Variants in PRKG1 observed in about 807,000 individuals in gnomAD.
PRKG1 encodes cGMP-dependent protein kinase 1.
A neutral mutation model predicts 88.1 loss-of-function variants in PRKG1; 35 were observed. The observed-to-expected ratio is 0.40, with a 90% CI of 0.30 to 0.53. PRKG1 has a LOEUF of 0.53. Among genes scored for constraint, PRKG1 ranks in the 20% least tolerant of loss-of-function variants. The probability of loss-of-function intolerance (pLI) is 0.59; values close to 1 mark genes in which losing one functional copy is unlikely to be tolerated. For synonymous variants in PRKG1, 303 were observed against 292.5 expected (o/e 1.04, Z -0.37); for missense variants, 540 against 839.8 (o/e 0.64, Z 4.41).
intron 5 of PRKG1, among the ~76,000 whole-genome samples, chr10:51,929,344 TC>T (rs1237233749): frequency 2.9e-5 from 4 of 140,092 alleles, no homozygotes; most frequent in Middle Eastern, 3.5e-3. Flanking sequence ...CTGAATTCCT[TC>T]CTTTTTTTTT....
At chr10:51,591,908 C>T (rs1332407575) in intron 3 of PRKG1, among the ~76,000 whole-genome samples, 1 of 152,078 alleles carries the variant, frequency 6.6e-6, no homozygotes, top group East Asian at 1.9e-4. Flanking sequence ...CACTTAAGAG[C>T]CCCTTTTAAG....
At position 51,354,113 on chromosome 10, in the gene PRKG1, A is replaced by G. The variant is rs77968331; in HGVS notation, c.479-113610A>G. On this transcript the variant is annotated intron_variant, in intron 2 of 17. Transcript: ENST00000373980. ...AATATCAAAATATCCAAACTATTAA[A>G]CTCATTGAGATAGAGAGGAGAAGGA... Among the ~76,000 whole-genome samples, 185 of 152,026 alleles carry G rather than the reference A, an allele frequency of 1.2e-3. 2 individuals are homozygous for G. Among genetic ancestry groups the G allele is most frequent in the African/African-American group, 3.9e-3 (162 of 41,490 alleles).
intron 7 of PRKG1, among the ~76,000 whole-genome samples, chr10:52,115,954 C>T (rs540199965): frequency 3.3e-5 from 5 of 152,094 alleles, no homozygotes; most frequent in South Asian, 4.1e-4. Context: ...ATGAATCAGG[C>T]AGCGCCCTGA....
chr10:51,593,084 G>A (rs1838353162), intron 3 of PRKG1, among the ~76,000 whole-genome samples: 1 of 152,114 alleles, frequency 6.6e-6, no homozygotes, highest in Non-Finnish European at 1.5e-5. Flanking sequence ...GAAAATAATT[G>A]TTTTAGCTTA....
chr10:52,028,405 G>A (rs907445797), intron 5 of PRKG1, among the ~76,000 whole-genome samples: 1 of 152,148 alleles, frequency 6.6e-6, no homozygotes, highest in African/African-American at 2.4e-5. Context: ...GCAAAGTTAA[G>A]CCAGTCAATT....
chr10:51,739,099 CT>C (rs1444802776), intron 3 of PRKG1, among the ~76,000 whole-genome samples: 2 of 152,188 alleles, frequency 1.3e-5, no homozygotes, highest in African/African-American at 4.8e-5. Flanking sequence ...TCATTTTGCT[CT>C]GTGCTCTGCA....
intron 2 of PRKG1, among the ~76,000 whole-genome samples, chr10:51,386,345 A>C (rs1837248444): frequency 6.6e-6 from 1 of 152,182 alleles, no homozygotes; most frequent in Non-Finnish European, 1.5e-5. Context: ...ATGGAAGCTG[A>C]AAATTCCTAA....
intron 9 of PRKG1, among the ~76,000 whole-genome samples, chr10:52,199,607 C>A (rs934005716): frequency 2.8e-4 from 42 of 152,180 alleles, no homozygotes; most frequent in Non-Finnish European, 4.9e-4. Context: ...AGAGGTTCAG[C>A]TTTGCCGGAG....
intron 10 of PRKG1, among the ~76,000 whole-genome samples, chr10:52,266,809 A>C (rs1841582309): frequency 6.6e-6 from 1 of 152,088 alleles, no homozygotes; most frequent in Non-Finnish European, 1.5e-5. Context: ...AGATTGAAAA[A>C]AAATTAGTCA....
chr10:52,251,121 A>C (rs1300628981), intron 9 of PRKG1, among the ~76,000 whole-genome samples: 1 of 152,166 alleles, frequency 6.6e-6, no homozygotes, highest in African/African-American at 2.4e-5. Context: ...AAATATTTAT[A>C]GGAGGCACTG....
chr10:51,030,386 A>T (rs1843267977), intron 1 of PRKG1, among the ~76,000 whole-genome samples: 1 of 152,200 alleles, frequency 6.6e-6, no homozygotes, highest in South Asian at 2.1e-4. Context: ...ATAATGAATT[A>T]TAAAATCAGA....
Position 51,315,191 on chromosome 10 carries a change from T to G in PRKG1, c.479-152532T>G, listed in dbSNP as rs1332104248. On this transcript the variant is annotated intron_variant, in intron 2 of 17. Transcript: ENST00000373980. Reference sequence around the variant, plus strand: ...AAAAACTGATTGATTTCTTGAGATTTCATAACATGAGACAAAAAAAGAAAC... The same window carrying G: ...AAAAACTGATTGATTTCTTGAGATTGCATAACATGAGACAAAAAAAGAAAC... Among the ~76,000 whole-genome samples the G allele has an allele frequency of 3.9e-5, 6 of 152,210 alleles. No individual in the cohort carries two copies. In the East Asian group the frequency reaches 1.2e-3, roughly 29 times the overall value.
At chr10:51,897,018 A>G (rs1298863274) in intron 4 of PRKG1, among the ~76,000 whole-genome samples, 1 of 152,198 alleles carries the variant, frequency 6.6e-6, no homozygotes, top group Non-Finnish European at 1.5e-5. Flanking sequence ...GTGATGTGTA[A>G]AGTAGATTGA....
chr10:51,167,409 G>A (rs1366386569), intron 2 of PRKG1, among the ~76,000 whole-genome samples: 1 of 152,150 alleles, frequency 6.6e-6, no homozygotes, highest in African/African-American at 2.4e-5. Context: ...GTTGGTAGAG[G>A]CAATGTCATA....
At chr10:52,137,818 T>C (rs4935312) in intron 8 of PRKG1, among the ~76,000 whole-genome samples, 152,200 of 152,246 alleles carry the variant, frequency 1, 76,077 homozygotes, top group Middle Eastern at 1. Flanking sequence ...TGCATGAATA[T>C]GGAAGGCTGA....
chr10:52,061,941 A>C (rs1026048337), intron 6 of PRKG1, among the ~76,000 whole-genome samples: 1 of 152,080 alleles, frequency 6.6e-6, no homozygotes, highest in African/African-American at 2.4e-5. Context: ...GGCATTTAGA[A>C]GGATGTTCAT....
intron 2 of PRKG1, among the ~76,000 whole-genome samples, chr10:51,309,494 G>T (rs1841125657): frequency 1.3e-5 from 2 of 152,138 alleles, no homozygotes; most frequent in Admixed American, 1.3e-4. Context: ...TATGAAAAAT[G>T]CTTAACATCA....
chr10:52,189,636 C>T (rs1196084590), intron 9 of PRKG1, among the ~76,000 whole-genome samples: 1 of 152,144 alleles, frequency 6.6e-6, no homozygotes, highest in Non-Finnish European at 1.5e-5. Flanking sequence ...TTATCCCACC[C>T]TCAATCCATG....
intron 1 of PRKG1, among the ~76,000 whole-genome samples, chr10:51,066,681 G>T (rs1418700394): frequency 6.6e-6 from 1 of 152,080 alleles, no homozygotes; most frequent in Admixed American, 6.6e-5. Context: ...GGTATATACA[G>T]TATGTAATAT....
Sources: allele counts gnomAD v4.1 joint callset (sites outside exome capture counted in the v4.1 genomes callset), GRCh38; gene constraint gnomAD v4.1.1; transcripts MANE v1.5; gene names NCBI Gene and HGNC (gene_info 2026-07-23, HGNC 2026-07-21).